The following RABGAP1 variants were observed in gnomAD, a reference collection of about 807,000 sequenced individuals.
RABGAP1 encodes the protein RAB GTPase activating protein 1.
A neutral mutation model predicts 137.6 loss-of-function variants in RABGAP1; 23 were observed. That is an observed-to-expected ratio of 0.17 (90% CI 0.12 to 0.24). The LOEUF (loss-of-function observed/expected upper bound fraction) is 0.24. RABGAP1 is among the 10% of genes least tolerant of loss of function. The pLI, the probability that RABGAP1 is intolerant of heterozygous loss-of-function variation, is 1.00. For missense variants in RABGAP1, 906 were observed against 1,275.8 expected, an observed-to-expected ratio of 0.71 and a Z score of 4.42; for synonymous variants, 451 against 450.7, an observed-to-expected ratio of 1.00 and a Z score of -0.01.
intron 13 of RABGAP1, among the ~76,000 whole-genome samples, chr9:123,047,995 A>G (rs867023157): frequency 1.3e-4 from 16 of 126,766 alleles, no homozygotes; most frequent in Middle Eastern, 0.013. Flanking sequence ...CTGGAGTGCA[A>G]TGGCGCGATC....
At chr9:123,037,821 G>A (rs1297553480) in intron 13 of RABGAP1, among the ~76,000 whole-genome samples, 1 of 152,022 alleles carries the variant, frequency 6.6e-6, no homozygotes, top group African/African-American at 2.4e-5. Context: ...TATTTGGAAA[G>A]TTCATGTTTA....
At chr9:122,991,037 A>C (rs1836698155) in intron 6 of RABGAP1, among the ~76,000 whole-genome samples, 1 of 151,538 alleles carries the variant, frequency 6.6e-6, no homozygotes, top group African/African-American at 2.4e-5. Context: ...TTGTAGGGTT[A>C]GAAGTGACTG....
chr9:123,096,088 A>G (rs984233156), intron 21 of RABGAP1, among the ~76,000 whole-genome samples: 2 of 152,220 alleles, frequency 1.3e-5, no homozygotes, highest in African/African-American at 2.4e-5. Flanking sequence ...ATAGTGCTCA[A>G]GTCTTATGTA....
chr9:122,941,637 G>T (rs1020650342), intron 1 of RABGAP1, among the ~76,000 whole-genome samples: 17 of 152,140 alleles, frequency 1.1e-4, no homozygotes, highest in African/African-American at 4.1e-4. Context: ...TCATTTCCCC[G>T]TCTGCAATTA....
In RABGAP1 at chr9:122,996,110, C is replaced by A. The variant is rs1437681140; in HGVS notation, c.993C>A (p.Ile331=). ...AAGGAATTGATAAGAAGATTGTCAT[C>A]TATGTGCAGCAAACAACTAATAAAG... ...LRQGIDKKIV[I]YVQQTTNKEL... The change falls in exon 7 of 26, where the codon ATC becomes ATA. Residue 331 remains isoleucine, a synonymous_variant. Coordinates refer to ENST00000373647, the MANE Select transcript of RABGAP1 (RefSeq NM_012197.4). 5.0e-6 allele frequency: 8 copies of A among 1,613,136 alleles called. No individual in the cohort carries two copies. The Admixed American group carries it at 1.0e-4, about 20-fold the overall frequency.
At chr9:122,946,082 C>T (rs1833932188) in intron 1 of RABGAP1, 1 of 152,058 alleles carries the variant, frequency 6.6e-6, no homozygotes, top group African/African-American at 2.4e-5. Context: ...AACTCACTGT[C>T]TTTGGACCAG....
At position 122,984,464 on chromosome 9, in the gene RABGAP1, G is replaced by A. The variant is rs1247388289; in HGVS notation, c.151-21G>A. ...GCCAATCTTTGTCACTTTGCTGATT[G>A]CATGTATTTGTGACCCTTAGATTGT... On this transcript the variant is annotated intron_variant, in intron 2 of 25. Coordinates refer to ENST00000373647, the MANE Select transcript of RABGAP1 (RefSeq NM_012197.4). 7 of 1,598,046 alleles carry A rather than the reference G, an allele frequency of 4.4e-6. No individual in the cohort carries two copies. The African/African-American group carries it at 9.4e-5, about 21-fold the overall frequency.
At chr9:122,954,691 C>T (rs974349269) in intron 1 of RABGAP1, among the ~76,000 whole-genome samples, 1 of 151,962 alleles carries the variant, frequency 6.6e-6, no homozygotes, top group Non-Finnish European at 1.5e-5. Context: ...TCTTGAAGTA[C>T]AAATTCTAAA....
At chr9:123,057,229 G>A (rs1360047738) in intron 13 of RABGAP1, among the ~76,000 whole-genome samples, 149 of 151,688 alleles carry the variant, frequency 9.8e-4, no homozygotes, top group African/African-American at 3.0e-3. Context: ...GGTGGCTGCC[G>A]GGCGGAGGGG....
chr9:123,092,512 G>A (rs1564190110), intron 21 of RABGAP1, among the ~76,000 whole-genome samples: 1 of 151,998 alleles, frequency 6.6e-6, no homozygotes, highest in African/African-American at 2.4e-5. Flanking sequence ...TCAGTTGAAG[G>A]TACCCAGGAA....
At chr9:123,041,160 T>C (rs890829697) in intron 13 of RABGAP1, among the ~76,000 whole-genome samples, 1 of 152,222 alleles carries the variant, frequency 6.6e-6, no homozygotes, top group Non-Finnish European at 1.5e-5. Flanking sequence ...ATAAACTTTA[T>C]GTTAATACTT....
chr9:123,022,462 A>G (rs2031699095), intron 13 of RABGAP1, among the ~76,000 whole-genome samples: 1 of 152,246 alleles, frequency 6.6e-6, no homozygotes, highest in South Asian at 2.1e-4. Flanking sequence ...AGTGCAGTGC[A>G]GTGGTACGAT....
At chr9:123,006,709 G>A (rs2030306588) in intron 10 of RABGAP1, among the ~76,000 whole-genome samples, 1 of 152,162 alleles carries the variant, frequency 6.6e-6, no homozygotes, top group Non-Finnish European at 1.5e-5. Context: ...CCTGGTTCAA[G>A]CAATTCTCCC....
At chr9:123,083,832 C>A (rs1056226820) in intron 19 of RABGAP1, among the ~76,000 whole-genome samples, 3 of 152,168 alleles carry the variant, frequency 2.0e-5, no homozygotes, top group Non-Finnish European at 4.4e-5. Context: ...CTGCTTGCAT[C>A]CCTCAAATAC....
intron 15 of RABGAP1, among the ~76,000 whole-genome samples, chr9:123,071,787 T>C (rs1238077244): frequency 6.6e-6 from 1 of 152,184 alleles, no homozygotes; most frequent in African/African-American, 2.4e-5. Context: ...ATAATAGATC[T>C]ATTTGAAAAG....
chr9:123,040,413 T>C (rs2032896406), intron 13 of RABGAP1, among the ~76,000 whole-genome samples: 1 of 152,204 alleles, frequency 6.6e-6, no homozygotes, highest in Non-Finnish European at 1.5e-5. Context: ...TCTCAGAACA[T>C]GGTTCTGTAA....
intron 13 of RABGAP1, among the ~76,000 whole-genome samples, chr9:123,023,553 A>G (rs752376858): frequency 6.6e-6 from 1 of 152,046 alleles, no homozygotes; most frequent in African/African-American, 2.4e-5. Flanking sequence ...TCTTTCGTTC[A>G]TCTATTTTGA....
chr9:122,935,813 T>TGGG, the RABGAP1 span, among the ~76,000 whole-genome samples: 1 of 152,236 alleles, frequency 6.6e-6, no homozygotes, highest in Non-Finnish European at 1.5e-5. Flanking sequence ...CACTTCAAAA[T>TGGG]GTCGGTTTCT....
intron 8 of RABGAP1, 70 bp downstream of exon 8, chr9:122,996,675 C>T: frequency 7.9e-7 from 1 of 1,260,036 alleles, no homozygotes; most frequent in Admixed American, 2.1e-5. Context: ...TTTTTCTCAT[C>T]TGAATCTAGT....
Sources: gnomAD v4.1 joint callset for allele counts (sites outside exome capture counted in the v4.1 genomes callset) on GRCh38, gnomAD v4.1.1 for gene constraint, MANE v1.5 for transcripts, NCBI Gene and HGNC (gene_info 2026-07-23, HGNC 2026-07-21) for gene names.